PCDH11X: variants seen among roughly 807,000 people sequenced by gnomAD.
The protein encoded by PCDH11X is protocadherin-11 X-linked.
Under a neutral mutation model 53.3 loss-of-function variants are expected in PCDH11X, and 18 were observed. The ratio of observed to expected loss-of-function variants is 0.34; its 90% CI spans 0.23 to 0.50. PCDH11X has a LOEUF of 0.50. Ranked by LOEUF, PCDH11X falls within the 20% of genes least tolerant of loss-of-function variation. The pLI, the probability that PCDH11X is intolerant of heterozygous loss-of-function variation, is 0.98. For synonymous variants in PCDH11X, 279 were observed against 393.3 expected (o/e 0.71, Z 3.44); for missense variants, 570 against 1,032.4 (o/e 0.55, Z 6.14).
chrX:91,857,336 T>C (rs1938403800), intron 5 of PCDH11X, among the ~76,000 whole-genome samples: 1 of 111,430 alleles, frequency 9.0e-6, no homozygotes, highest in Non-Finnish European at 1.9e-5. Flanking sequence ...GGAGCTGCAA[T>C]TTGAAATTTG....
intron 7 of PCDH11X, among the ~76,000 whole-genome samples, chrX:92,209,781 C>CTTCA (rs957860314): frequency 1.8e-5 from 2 of 112,493 alleles, no homozygotes; most frequent in African/African-American, 6.5e-5. Context: ...TCCATGAGGG[C>CTTCA]TTCATCACAT....
At chrX:92,314,623 C>T (rs2069033700) in intron 8 of PCDH11X, among the ~76,000 whole-genome samples, 1 of 111,330 alleles carries the variant, frequency 9.0e-6, no homozygotes, top group African/African-American at 3.3e-5. Flanking sequence ...ACCACAAACA[C>T]GAGTAATGCA....
rs909829270 is a variant in PCDH11X, at chrX:91,950,443, A to G, written c.3033+71170A>G. On this transcript the variant is annotated intron_variant, in intron 6 of 10. Transcript: ENST00000682573. ...ATTCCTGAGTTACTTCACCTAGAAT[A>G]ACAGCCACCAGTTCTACCCAAGTTG... 5.9e-4 allele frequency among the ~76,000 whole-genome samples: 64 copies of G among 108,806 alleles called. 1 individual carries two copies. Among genetic ancestry groups the G allele is most frequent in the Non-Finnish European group, 1.0e-3 (53 of 52,293 alleles). The allele number at this position is 108,806 out of a possible 115,157, so 94.5% of individuals were successfully genotyped here.
chrX:91,994,609 A>G (rs1214262817), intron 6 of PCDH11X, among the ~76,000 whole-genome samples: 3 of 102,889 alleles, frequency 2.9e-5, no homozygotes, highest in Non-Finnish European at 5.9e-5. Context: ...AAAGAACATG[A>G]GAACGTAGAT....
chrX:91,885,785 T>A (rs2078591370), intron 6 of PCDH11X, among the ~76,000 whole-genome samples: 1 of 111,856 alleles, frequency 8.9e-6, no homozygotes, highest in Non-Finnish European at 1.9e-5. Context: ...AGTGCTGTAT[T>A]TGAAGAAGAT....
chrX:91,849,892 C>A (rs1937909899), intron 5 of PCDH11X, among the ~76,000 whole-genome samples: 1 of 99,757 alleles, frequency 1.0e-5, no homozygotes, highest in African/African-American at 3.6e-5. Context: ...TGAATCATAT[C>A]CCTCCCCACT....
chrX:92,049,971 C>T (rs982315709), intron 6 of PCDH11X, among the ~76,000 whole-genome samples: 18 of 111,623 alleles, frequency 1.6e-4, no homozygotes, highest in Middle Eastern at 4.6e-3. Flanking sequence ...GACGGGGTTT[C>T]GCCATGTTGG....
intron 6 of PCDH11X, among the ~76,000 whole-genome samples, chrX:91,940,008 TAA>T (rs2061489126): frequency 9.0e-6 from 1 of 111,159 alleles, no homozygotes; most frequent in Admixed American, 9.6e-5. Flanking sequence ...TACTGAAATA[TAA>T]TTCCCAGTTT....
chrX:91,905,673 A>G (rs1941126841), intron 6 of PCDH11X, among the ~76,000 whole-genome samples: 1 of 111,561 alleles, frequency 9.0e-6, no homozygotes, highest in Non-Finnish European at 1.9e-5. Flanking sequence ...GTTTTTCAAG[A>G]CACATGATAT....
At chrX:92,537,305 C>T (rs1156515265) in intron 10 of PCDH11X, among the ~76,000 whole-genome samples, 1 of 107,963 alleles carries the variant, frequency 9.3e-6, no homozygotes, top group Non-Finnish European at 1.9e-5. Flanking sequence ...TTTTCCCCCC[C>T]AAAAGTGAAA....
intron 1 of PCDH11X, among the ~76,000 whole-genome samples, chrX:91,782,138 T>C (rs1935168964): frequency 8.9e-6 from 1 of 112,156 alleles, no homozygotes. Flanking sequence ...GCAGCCGCCC[T>C]CGTGTCCCTT....
chrX:91,823,752 G>A (rs1302219293), intron 4 of PCDH11X, among the ~76,000 whole-genome samples: 1 of 111,239 alleles, frequency 9.0e-6, no homozygotes, highest in Non-Finnish European at 1.9e-5. Flanking sequence ...GTTAGTTGAT[G>A]CAGTTTTTTT....
chrX:92,486,090 T>TA (rs779159058), intron 10 of PCDH11X, among the ~76,000 whole-genome samples: 4 of 110,286 alleles, frequency 3.6e-5, no homozygotes, highest in Non-Finnish European at 5.7e-5. Flanking sequence ...CTCCCCCAAA[T>TA]ACCCAAACAA....
intron 6 of PCDH11X, among the ~76,000 whole-genome samples, chrX:92,078,914 C>G (rs6618847): frequency 0.3 from 33,027 of 109,367 alleles, 5,528 homozygotes; most frequent in African/African-American, 0.63. Flanking sequence ...TATCATAATA[C>G]TTGTTTATTG....
At chrX:91,829,981 C>T (rs1421365169) in intron 4 of PCDH11X, among the ~76,000 whole-genome samples, 8 of 110,532 alleles carry the variant, frequency 7.2e-5, no homozygotes, top group Non-Finnish European at 1.5e-4. Context: ...ATTACATTCA[C>T]CCTGAGGCAA....
At chrX:92,190,536 C>T (rs1435468488) in intron 6 of PCDH11X, among the ~76,000 whole-genome samples, 3 of 111,821 alleles carry the variant, frequency 2.7e-5, no homozygotes, top group Non-Finnish European at 3.8e-5. Context: ...TTAATATAAT[C>T]GTAATGCATA....
chrX:91,812,161 C>T (rs1395524699), intron 4 of PCDH11X, among the ~76,000 whole-genome samples: 8 of 110,186 alleles, frequency 7.3e-5, no homozygotes, highest in Non-Finnish European at 1.5e-4. Flanking sequence ...AATTATTTGT[C>T]ACAAATACTC....
intron 6 of PCDH11X, among the ~76,000 whole-genome samples, chrX:92,189,253 A>G (rs1205569624): frequency 1.8e-5 from 2 of 110,341 alleles, no homozygotes; most frequent in Non-Finnish European, 3.8e-5. Context: ...TGTTCCCCTC[A>G]ATGTGTCCAT....
intron 9 of PCDH11X, among the ~76,000 whole-genome samples, chrX:92,417,145 G>C (rs111763982): frequency 8.1e-5 from 9 of 111,549 alleles, no homozygotes; most frequent in Non-Finnish European, 1.5e-4. Flanking sequence ...TGAGTGATTT[G>C]TTAAAAGAAA....
Sources: allele counts gnomAD v4.1 joint callset (sites outside exome capture counted in the v4.1 genomes callset), GRCh38; gene constraint gnomAD v4.1.1; transcripts MANE v1.5; gene names NCBI Gene and HGNC (gene_info 2026-07-23, HGNC 2026-07-21).